The following NIM1K variants were observed in gnomAD, a reference collection of about 807,000 sequenced individuals.
NIM1K encodes the protein serine/threonine-protein kinase NIM1.
A neutral mutation model predicts 37.1 loss-of-function variants in NIM1K; 35 were observed. The ratio of observed to expected loss-of-function variants is 0.94; its 90% CI spans 0.72 to 1.25. The LOEUF (loss-of-function observed/expected upper bound fraction) is 1.25, where lower values mean the gene tolerates loss of function less well. Among genes scored for constraint, NIM1K ranks in the 50% most tolerant of loss-of-function variants. The pLI is 0.00. For missense variants in NIM1K, 564 were observed against 548.0 expected, an observed-to-expected ratio of 1.03 and a Z score of -0.29; for synonymous variants, 234 against 206.6, an observed-to-expected ratio of 1.13 and a Z score of -1.14.
intron 1 of NIM1K, among the ~76,000 whole-genome samples, chr5:43,210,928 T>C (rs1022787332): frequency 3.3e-5 from 5 of 152,144 alleles, no homozygotes; most frequent in Non-Finnish European, 5.9e-5. Flanking sequence ...CCCAGCACTT[T>C]GGGAGGCCAA....
intron 1 of NIM1K, among the ~76,000 whole-genome samples, chr5:43,234,930 C>T (rs1043356438): frequency 1.3e-5 from 2 of 152,066 alleles, no homozygotes; most frequent in South Asian, 2.1e-4. Flanking sequence ...CCACCATGCC[C>T]GGCCTATTTT....
chr5:43,197,117 A>T (rs1427861896), intron 1 of NIM1K, among the ~76,000 whole-genome samples: 3 of 149,944 alleles, frequency 2.0e-5, no homozygotes, highest in African/African-American at 7.4e-5. Flanking sequence ...TTTGGACAGA[A>T]TCTATTGACT....
At chr5:43,216,549 G>A (rs1488435770) in intron 1 of NIM1K, among the ~76,000 whole-genome samples, 1 of 152,190 alleles carries the variant, frequency 6.6e-6, no homozygotes, top group Non-Finnish European at 1.5e-5. Context: ...TTTGGAAGAG[G>A]TGAGCAAGAA....
chr5:43,253,989 G>A (rs1752905697), intron 2 of NIM1K, among the ~76,000 whole-genome samples: 1 of 152,140 alleles, frequency 6.6e-6, no homozygotes, highest in South Asian at 2.1e-4. Flanking sequence ...AGCCATTAAT[G>A]CAAGTGATTA....
At chr5:43,248,944 A>C (rs1752824973) in intron 2 of NIM1K, among the ~76,000 whole-genome samples, 2 of 151,576 alleles carry the variant, frequency 1.3e-5, no homozygotes, top group Non-Finnish European at 2.9e-5. Flanking sequence ...GCGTGATCTC[A>C]GCTCACCTCA....
chr5:43,232,589 G>C (rs1752556093), intron 1 of NIM1K: 2 of 1,569,728 alleles, frequency 1.3e-6, no homozygotes, highest in Non-Finnish European at 1.7e-6. Flanking sequence ...GAGTGCTCCA[G>C]GGTGGTGTGG....
At chr5:43,229,592 GA>G (rs1205537515) in intron 1 of NIM1K, among the ~76,000 whole-genome samples, 1 of 151,144 alleles carries the variant, frequency 6.6e-6, no homozygotes, top group Non-Finnish European at 1.5e-5. Context: ...ACATATTCAT[GA>G]ATATCAACCT....
chr5:43,243,707 G>A (rs10473305), intron 1 of NIM1K, among the ~76,000 whole-genome samples: 11,002 of 152,010 alleles, frequency 0.072, 827 homozygotes, highest in African/African-American at 0.2. Flanking sequence ...ACAGGGTCCG[G>A]CATTGTCACC....
intron 2 of NIM1K, among the ~76,000 whole-genome samples, chr5:43,265,094 C>T (rs1342732112): frequency 6.6e-6 from 1 of 152,062 alleles, no homozygotes; most frequent in African/African-American, 2.4e-5. Context: ...ACAATTGTGT[C>T]TTGGAATTGC....
At chr5:43,199,220 T>A (rs867296521) in intron 1 of NIM1K, among the ~76,000 whole-genome samples, 20,322 of 97,138 alleles carry the variant, frequency 0.21, 2,864 homozygotes, top group Non-Finnish European at 0.27. Context: ...TATATATATA[T>A]ATATATATAT....
intron 2 of NIM1K, among the ~76,000 whole-genome samples, chr5:43,263,263 A>G (rs1002383473): frequency 2.1e-4 from 31 of 150,678 alleles, no homozygotes; most frequent in African/African-American, 6.1e-4. Flanking sequence ...TTGGTAGGCT[A>G]TTAATTATTG....
intron 1 of NIM1K, among the ~76,000 whole-genome samples, chr5:43,204,908 A>C (rs1041077634): frequency 1.3e-5 from 2 of 152,076 alleles, no homozygotes; most frequent in African/African-American, 4.8e-5. Flanking sequence ...AGGTGGGAGG[A>C]TCTCTGGAGC....
At chr5:43,195,814 G>C (rs933144566) in intron 1 of NIM1K, among the ~76,000 whole-genome samples, 28 of 152,052 alleles carry the variant, frequency 1.8e-4, no homozygotes, top group Admixed American at 1.2e-3. Context: ...TAAGATTAGA[G>C]AGCAAAATAA....
chr5:43,216,775 G>C (rs1482179752), intron 1 of NIM1K, among the ~76,000 whole-genome samples: 1 of 152,184 alleles, frequency 6.6e-6, no homozygotes, highest in Non-Finnish European at 1.5e-5. Context: ...GAGAATGTAA[G>C]CTGGCTGGAA....
intron 1 of NIM1K, among the ~76,000 whole-genome samples, chr5:43,200,112 ATCTGCCCACC>A (rs1187158960): frequency 6.6e-6 from 1 of 151,902 alleles, no homozygotes; most frequent in Non-Finnish European, 1.5e-5. Flanking sequence ...ACCTCAGGTA[ATCTGCCCACC>A]TCGGCCTCCC....
At position 43,251,623 on chromosome 5, in the gene NIM1K, A is replaced by T. The variant is rs568187780; in HGVS notation, c.292+5556A>T. 2.6e-5 allele frequency among the ~76,000 whole-genome samples: 4 copies of T among 152,294 alleles called. No homozygotes were observed. In the South Asian group the frequency reaches 8.3e-4, roughly 32 times the overall value. ...AAGTAGGGCCGGGTCTTAAGATGATATTCTTTTGATCTTCACTTTCTCTGG... is the reference window on the plus strand; with the variant it reads ...AAGTAGGGCCGGGTCTTAAGATGATTTTCTTTTGATCTTCACTTTCTCTGG... On this transcript the variant is annotated intron_variant, in intron 2 of 3. Transcript: ENST00000326035.
intron 1 of NIM1K, among the ~76,000 whole-genome samples, chr5:43,210,626 G>A (rs1752189873): frequency 6.6e-6 from 1 of 152,078 alleles, no homozygotes; most frequent in South Asian, 2.1e-4. Context: ...ATATGCAGGG[G>A]GAATGTCATG....
At position 43,207,683 on chromosome 5, in the gene NIM1K, G is replaced by A. The variant is rs1319445318; in HGVS notation, c.-695+15272G>A. On this transcript the variant is annotated intron_variant, in intron 1 of 3. Transcript: ENST00000326035. ...GCTGTTGCTCTATGAAGAACAGCTG[G>A]AGAATTCTTCATAGAACAGTTGCTC... 5.3e-5 allele frequency: 29 copies of A among 544,136 alleles called. No individual in the cohort carries two copies. The Admixed American group carries it at 6.3e-4, about 12-fold the overall frequency. 33.7% of individuals were successfully genotyped at this position (544,136 alleles called of 1,614,324 possible). A position where few individuals can be genotyped will look rare whatever the true frequency, so the allele number is the denominator to read the frequency against.
At chr5:43,219,967 C>T (rs982991292) in intron 1 of NIM1K, among the ~76,000 whole-genome samples, 10 of 152,154 alleles carry the variant, frequency 6.6e-5, no homozygotes, top group African/African-American at 9.7e-5. Context: ...CCTCGTGATC[C>T]GCCCACCTCG....
Sources: allele counts gnomAD v4.1 joint callset (sites outside exome capture counted in the v4.1 genomes callset), GRCh38; gene constraint gnomAD v4.1.1; transcripts MANE v1.5; gene names NCBI Gene and HGNC (gene_info 2026-07-23, HGNC 2026-07-21).